Variants in ALDH3B1 observed in about 807,000 individuals in gnomAD.
The protein encoded by ALDH3B1 is aldehyde dehydrogenase 3 family member B1, also known as aldehyde dehydrogenase family 3 member B1.
Under a neutral mutation model 46.2 loss-of-function variants are expected in ALDH3B1, and 37 were observed. The observed-to-expected ratio is 0.80, with a 90% CI of 0.62 to 1.05. ALDH3B1 has a LOEUF of 1.05. ALDH3B1 is among the 50% of genes least tolerant of loss of function. The pLI, the probability that ALDH3B1 is intolerant of heterozygous loss-of-function variation, is 0.00. For missense variants in ALDH3B1, 603 were observed against 665.5 expected, an observed-to-expected ratio of 0.91 and a Z score of 1.03; for synonymous variants, 283 against 281.0, an observed-to-expected ratio of 1.01 and a Z score of -0.07.
Position 68,019,213 on chromosome 11 carries a change from C to G in ALDH3B1, c.438C>G (p.Val146=). ...VLKPSEISKN[V]EKILAEVLPQ... The stretch of plus-strand genomic sequence containing the variant: ...AGCCATCGGAGATTAGCAAGAACGT[C>G]GAGAAGATCCTGGCCGAGGTGCTGC... The change falls in exon 5 of 10, where the codon GTC becomes GTG. Residue 146 remains valine, a synonymous_variant. Transcript: ENST00000342456. 1 of 1,613,486 alleles carries G rather than the reference C, an allele frequency of 6.2e-7. No individual in the cohort carries two copies. The highest frequency in any genetic ancestry group is 8.5e-7 in the Non-Finnish European group (1 of 1,179,750).
In ALDH3B1 at chr11:68,013,199, G is replaced by T. The variant is rs1857270729; in HGVS notation, c.-1-2098G>T. Among the ~76,000 whole-genome samples, 2 of 152,282 alleles carry T rather than the reference G, an allele frequency of 1.3e-5. 1 individual carries two copies. The highest frequency in any genetic ancestry group is 4.1e-4 in the South Asian group (2 of 4,828). On this transcript the variant is annotated intron_variant, in intron 1 of 9. Transcript: ENST00000342456. ...CAGGGTCCTGCCCTGGGCACTCCCT[G>T]GGGGCCTCAGTCCAGAGTGAGTGAC...
Position 68,022,655 on chromosome 11 carries a change from G to A in ALDH3B1, c.1010G>A (p.Gly337Glu). 1.2e-6 allele frequency: 2 copies of A among 1,614,098 alleles called. No individual in the cohort carries two copies. The highest frequency in any genetic ancestry group is 1.7e-4 in the Middle Eastern group (1 of 6,020). The change falls in exon 8 of 10, where the codon GGG becomes GAG. Residue 337 changes from glycine to glutamate, a missense_variant. Transcript: ENST00000342456. ...CCTGTGATGCAGGAGGAGATCTTCG[G>A]GCCCATCCTGCCCATCGTGAACGTG... ...MEPVMQEEIF[G>E]PILPIVNVQS...
chr11:68,026,116 C>T lies in ALDH3B1; in HGVS notation c.1216+8C>T. The T allele has an allele frequency of 6.3e-7, 1 of 1,586,324 alleles. No individual in the cohort carries two copies. Among genetic ancestry groups the T allele is most frequent in the Non-Finnish European group, 8.6e-7 (1 of 1,165,028 alleles). On this transcript the variant is annotated splice_region_variant and intron_variant, in intron 9 of 9. Coordinates refer to ENST00000342456, the MANE Select transcript of ALDH3B1 (RefSeq NM_000694.4). Reference sequence around the variant, plus strand: ...TGCCTTTTGGAGGAGTGGGTAGGTGCCTGCTACCCTGCCCTTCTGTTACCA... The same window carrying T: ...TGCCTTTTGGAGGAGTGGGTAGGTGTCTGCTACCCTGCCCTTCTGTTACCA...
chr11:68,014,723 G>C (rs1157050172), intron 1 of ALDH3B1, among the ~76,000 whole-genome samples: 1 of 152,218 alleles, frequency 6.6e-6, no homozygotes, highest in Non-Finnish European at 1.5e-5. Flanking sequence ...CACTGGCCTG[G>C]CCTCCCTGGG....
intron 9 of ALDH3B1, among the ~76,000 whole-genome samples, chr11:68,027,124 T>C (rs1019478793): frequency 6.6e-6 from 1 of 151,538 alleles, no homozygotes; most frequent in African/African-American, 2.4e-5. Flanking sequence ...TCTGCCCAGG[T>C]CCCTAACACA....
chr11:68,014,067 C>G (rs1019942105), intron 1 of ALDH3B1, among the ~76,000 whole-genome samples: 14 of 152,204 alleles, frequency 9.2e-5, no homozygotes, highest in Admixed American at 2.6e-4. Flanking sequence ...ATGCTGGGCC[C>G]TGGGCTCAGA....
Position 68,019,231 on chromosome 11 carries a change from G to T in ALDH3B1, c.456G>T (p.Glu152Asp). 6.2e-7 allele frequency: 1 copy of T among 1,613,406 alleles called. No homozygotes were observed. Among genetic ancestry groups the T allele is most frequent in the South Asian group, 1.1e-5 (1 of 90,886 alleles). ...AGAACGTCGAGAAGATCCTGGCCGA[G>T]GTGCTGCCCCAATACGTGGACCAGG... is the stretch of plus-strand genomic sequence containing the variant. ...ISKNVEKILA[E>D]VLPQYVDQSC... Residue 152 changes from glutamate (E) to aspartate (D), a missense_variant, in exon 5 of 10, where the codon GAG (glutamate) becomes GAT (aspartate). Coordinates refer to ENST00000342456, the MANE Select transcript of ALDH3B1 (RefSeq NM_000694.4).
chr11:68,015,964 G>T (rs1857342943), intron 2 of ALDH3B1: 5 of 266,536 alleles, frequency 1.9e-5, no homozygotes, highest in South Asian at 1.8e-4. Flanking sequence ...TACTCAGGAG[G>T]CTGAGGCATG....
Position 68,029,053 on chromosome 11 carries a change from C to G in ALDH3B1, c.*1114C>G, listed in dbSNP as rs1024342018. 6.6e-6 allele frequency: 1 copy of G among 152,278 alleles called. No homozygotes were observed. Among genetic ancestry groups the G allele is most frequent in the African/African-American group, 2.4e-5 (1 of 41,464 alleles). 9.4% of individuals were successfully genotyped at this position (152,278 alleles called of 1,614,324 possible). Reference sequence around the variant, plus strand: ...TTTGAACAAGCTGATGATTCTGAAACTGGCCCAATTTCCTAACAAGCCGGA... The same window carrying G: ...TTTGAACAAGCTGATGATTCTGAAAGTGGCCCAATTTCCTAACAAGCCGGA... On this transcript the variant is annotated 3_prime_UTR_variant, in exon 10 of 10. Transcript: ENST00000342456.
rs1359816178 is a variant in ALDH3B1, at chr11:68,018,551, G to A, written c.187G>A (p.Glu63Lys). The part of the protein sequence containing the change: ...HKSAFESEVS[E>K]VAISQGEVTL... ...GTCAGCCTTCGAGTCGGAGGTGTCT[G>A]AGGTTGCCATCAGCCAGGGCGAGGT... Residue 63 changes from glutamate (E) to lysine (K), a missense_variant, in exon 3 of 10, where the codon GAG (glutamate) becomes AAG (lysine). By Grantham distance (56) the Glu-to-Lys change is moderately conservative. Coordinates refer to ENST00000342456, the MANE Select transcript of ALDH3B1 (RefSeq NM_000694.4). 1.3e-6 allele frequency: 2 copies of A among 1,577,290 alleles called. No individual in the cohort carries two copies. The highest frequency in any genetic ancestry group is 2.3e-5 in the South Asian group (2 of 85,940).
At position 68,027,911 on chromosome 11, in the gene ALDH3B1, C is replaced by T. The variant is rs1854618447; in HGVS notation, c.1379C>T (p.Ala460Val). Residue 460 changes from alanine (A) to valine (V), a missense_variant, in exon 10 of 10, where the codon GCC becomes GTC. Transcript: ENST00000342456. Reference sequence around the variant, plus strand: ...AGGATGCTGCTGGTGGCCATGGAGGCCCAAGGCTGCAGCTGCACACTGCTC... The same window carrying T: ...AGGATGCTGCTGGTGGCCATGGAGGTCCAAGGCTGCAGCTGCACACTGCTC... ...RLRMLLVAME[A>V]QGCSCTLL 2 of 1,557,988 alleles carry T rather than the reference C, an allele frequency of 1.3e-6. No homozygotes were observed. The highest frequency in any genetic ancestry group is 1.4e-5 in the African/African-American group (1 of 73,634).
Position 68,019,783 on chromosome 11 carries a change from C to A in ALDH3B1, c.549C>A (p.Tyr183Ter). Reference sequence around the variant, plus strand: ...AGCTGCTAGAGCACAGGTTCGACTACATCTTCTTCACAGGTGAGGCCGGGA... The same window carrying A: ...AGCTGCTAGAGCACAGGTTCGACTAAATCTTCTTCACAGGTGAGGCCGGGA... ...TGQLLEHRFD[Y>*]IFFTGSPRVG... Residue 183 changes from tyrosine (Y) to a stop codon, truncating the protein, a stop_gained, in exon 6 of 10, where the codon TAC becomes TAA. Coordinates refer to ENST00000342456, the MANE Select transcript of ALDH3B1 (RefSeq NM_000694.4). LOFTEE classifies it high-confidence loss of function. 2 of 1,614,132 alleles carry A rather than the reference C, an allele frequency of 1.2e-6. No homozygotes were observed. Among genetic ancestry groups the A allele is most frequent in the Non-Finnish European group, 1.7e-6 (2 of 1,179,958 alleles).
chr11:68,018,960 C>T (rs1473053158), intron 4 of ALDH3B1, 67 bp downstream of exon 4: 4 of 1,512,958 alleles, frequency 2.6e-6, no homozygotes, highest in Non-Finnish European at 3.5e-6. Context: ...ACCCATGGAT[C>T]CCAGGAGGAC....
intron 2 of ALDH3B1, chr11:68,017,881 A>G (rs1857385051): frequency 6.6e-6 from 1 of 152,114 alleles, no homozygotes; most frequent in African/African-American, 2.4e-5. Flanking sequence ...TTGAAATTAA[A>G]AAAAAACAAA....
chr11:68,021,822 C>A lies in ALDH3B1; in HGVS notation c.900C>A (p.Cys300Ter), dbSNP rs543365099. ...AGCGGCTGCGGGCATTGCTGGGCTG[C>A]GGCCGTGTGGCCATTGGGGGCCAGA... The part of the protein sequence containing the change: ...QFQRLRALLG[C>*]GRVAIGGQSD... The change falls in exon 7 of 10, where the codon TGC becomes TGA. Residue 300 changes from cysteine (C) to a stop codon, truncating the protein, a stop_gained. Coordinates refer to ENST00000342456, the MANE Select transcript of ALDH3B1 (RefSeq NM_000694.4). LOFTEE classifies it high-confidence loss of function. 43 of 1,613,838 alleles carry A rather than the reference C, an allele frequency of 2.7e-5. No individual in the cohort carries two copies. The highest frequency in any genetic ancestry group is 3.6e-5 in the Non-Finnish European group (42 of 1,179,910).
upstream of ALDH3B1, chr11:68,010,310 C>G (rs1857202636): frequency 6.6e-6 from 1 of 152,388 alleles, no homozygotes; most frequent in South Asian, 2.1e-4. Context: ...CGGGGACTGG[C>G]CCTGCGTTGG....
chr11:68,018,955 T>C (rs1161591119), intron 4 of ALDH3B1, 62 bp downstream of exon 4: 3 of 1,519,950 alleles, frequency 2.0e-6, no homozygotes, highest in Admixed American at 2.1e-5. Context: ...GGGCCACCCA[T>C]GGATCCCAGG....
At chr11:68,022,463 G>A (rs1178281590) in intron 7 of ALDH3B1, 132 bp from the exon 8 acceptor site, 2 of 1,245,074 alleles carry the variant, frequency 1.6e-6, no homozygotes, top group East Asian at 2.5e-5. Context: ...TCCAAAGCCT[G>A]AAGCCTTGGG....
intron 1 of ALDH3B1, among the ~76,000 whole-genome samples, chr11:68,011,719 G>A (rs1179893353): frequency 6.6e-6 from 1 of 152,118 alleles, no homozygotes; most frequent in East Asian, 1.9e-4. Context: ...CCACATCCCT[G>A]TCCTCAGTTG....
Sources: allele counts gnomAD v4.1 joint callset (sites outside exome capture counted in the v4.1 genomes callset), GRCh38; gene constraint gnomAD v4.1.1; transcripts MANE v1.5; gene names NCBI Gene and HGNC (gene_info 2026-07-23, HGNC 2026-07-21).